Variants in SLC6A20 observed in about 807,000 individuals in gnomAD.
SLC6A20 encodes sodium- and chloride-dependent transporter XTRP3.
SLC6A20 carries 73 observed loss-of-function variants against 64.3 expected under a neutral mutation model. The observed-to-expected ratio is 1.14, with a 90% CI of 0.94 to 1.38. The LOEUF is 1.38. Ranked by LOEUF, SLC6A20 falls within the 40% of genes most tolerant of loss-of-function variation. SLC6A20 has a pLI of 0.00. For missense variants in SLC6A20, 725 were observed against 772.8 expected (o/e 0.94, Z 0.73); for synonymous variants, 347 against 329.6 (o/e 1.05, Z -0.57).
Position 45,765,439 on chromosome 3 carries a change from C to G in SLC6A20, c.1303+98G>C. The G allele has an allele frequency of 7.2e-7, 1 of 1,397,298 alleles. No individual in the cohort carries two copies. The highest frequency in any genetic ancestry group is 9.7e-7 in the Non-Finnish European group (1 of 1,027,796). The allele number at this position is 1,397,298 out of a possible 1,614,324, so 86.6% of individuals were successfully genotyped here. On this transcript the variant is annotated intron_variant, in intron 8 of 10. Coordinates refer to ENST00000358525, the MANE Select transcript of SLC6A20 (RefSeq NM_020208.4). This position sits in a 1 kb window ranked among gnomAD's most constrained non-coding sequence, Gnocchi z 4.2. ...GGTGGCTGCAACCCCCTGTAGCCAC[C>G]TGAACCAGCCCATGACCCCTGAGGG...
chr3:45,760,566 G>C (rs1699655584), intron 9 of SLC6A20, among the ~76,000 whole-genome samples: 1 of 152,170 alleles, frequency 6.6e-6, no homozygotes, highest in Non-Finnish European at 1.5e-5. Flanking sequence ...GCCCTGGCCT[G>C]CTGGAGCTGG....
At chr3:45,796,236 C>T (rs1700343360) in intron 1 of SLC6A20, 63 bp downstream of exon 1, 1 of 1,552,282 alleles carries the variant, frequency 6.4e-7, no homozygotes, top group African/African-American at 1.4e-5. Flanking sequence ...CTAACCCCGG[C>T]TCGCACACAC....
intron 9 of SLC6A20, 62 bp from the exon 10 acceptor site, chr3:45,760,084 G>A: frequency 6.5e-7 from 1 of 1,535,964 alleles, no homozygotes; most frequent in Admixed American, 1.9e-5. Context: ...AGGGCGTCCA[G>A]CTTGCCTGTC....
intron 9 of SLC6A20, among the ~76,000 whole-genome samples, chr3:45,762,149 G>A (rs887748295): frequency 2.6e-5 from 4 of 152,238 alleles, no homozygotes; most frequent in Admixed American, 2.6e-4. Flanking sequence ...AGGATGGGGT[G>A]GGCCCGAGCT....
At chr3:45,780,802 C>G (rs919109525) in intron 2 of SLC6A20, among the ~76,000 whole-genome samples, 8 of 152,294 alleles carry the variant, frequency 5.3e-5, no homozygotes, top group Admixed American at 4.6e-4. Context: ...AGAAACCGGC[C>G]ATGGTGCCTG....
chr3:45,778,267 T>C (rs1398569156), intron 3 of SLC6A20, among the ~76,000 whole-genome samples: 1 of 152,180 alleles, frequency 6.6e-6, no homozygotes, highest in East Asian at 1.9e-4. Flanking sequence ...TCCCCTCTGC[T>C]CGGGTGCTCA....
chr3:45,761,819 G>A (rs1419186045), intron 9 of SLC6A20, among the ~76,000 whole-genome samples: 6 of 152,126 alleles, frequency 3.9e-5, no homozygotes, highest in South Asian at 2.1e-4. Flanking sequence ...GAAGTCCTAC[G>A]GGAAAGACAT....
At position 45,759,054 on chromosome 3, in the gene SLC6A20, A is replaced by T; in HGVS notation, c.1703T>A (p.Met568Lys). ...CCCCAGGGCCGCCAGGGGGATGCAC[A>T]TGGTGGAGGAGGCCACAAGCAGCCC... ...VIGLLVASST[M>K]CIPLAALGTF... is the part of the protein sequence containing the mutation. The change falls in exon 11 of 11, where the codon ATG becomes AAG. Residue 568 changes from methionine (M) to lysine (K), a missense_variant. Coordinates refer to ENST00000358525, the MANE Select transcript of SLC6A20 (RefSeq NM_020208.4). The T allele has an allele frequency of 6.2e-7, 1 of 1,613,158 alleles. No homozygotes were observed. Among genetic ancestry groups the T allele is most frequent in the Non-Finnish European group, 8.5e-7 (1 of 1,179,686 alleles).
intron 3 of SLC6A20, among the ~76,000 whole-genome samples, 171 bp downstream of exon 3, chr3:45,779,838 C>T (rs2125650061): frequency 6.6e-6 from 1 of 152,364 alleles, no homozygotes; most frequent in African/African-American, 2.4e-5. Flanking sequence ...GGTTCAGAAG[C>T]CCTTCACGTG....
intron 10 of SLC6A20, 68 bp from the exon 11 acceptor site, chr3:45,759,195 T>A: frequency 6.7e-7 from 1 of 1,484,642 alleles, no homozygotes; most frequent in Admixed American, 2.0e-5. Flanking sequence ...TCAGGGCCCA[T>A]CCGTGATGGG....
chr3:45,792,030 C>A (rs563866406), intron 1 of SLC6A20, among the ~76,000 whole-genome samples: 11 of 152,214 alleles, frequency 7.2e-5, no homozygotes, highest in African/African-American at 2.6e-4. Flanking sequence ...TGGGAAGATG[C>A]CAAACATTTT....
intron 8 of SLC6A20, 27 bp from the exon 9 acceptor site, chr3:45,763,099 C>A (rs755300162): frequency 1.2e-6 from 2 of 1,612,574 alleles, no homozygotes; most frequent in Non-Finnish European, 1.7e-6. Flanking sequence ...CAGCTGCTCA[C>A]CTGCCCGAGA....
rs2125725172 is a variant in SLC6A20, at chr3:45,771,276, A to G, written c.876T>C (p.Ile292=). 1 of 1,614,234 alleles carries G rather than the reference A, an allele frequency of 6.2e-7. No individual in the cohort carries two copies. Among genetic ancestry groups the G allele is most frequent in the East Asian group, 2.2e-5 (1 of 44,882 alleles). ...INSFTSIFAS[I]VTFSIYGFKA... The stretch of plus-strand genomic sequence containing the variant: ...TGAAGCCATAGATGGAGAAGGTGAC[A>G]ATGCTGGCAAATATGGAGGTGAAGC... Residue 292 remains isoleucine (I), a synonymous_variant, in exon 6 of 11, where the codon ATT becomes ATC. Transcript: ENST00000358525.
intron 9 of SLC6A20, among the ~76,000 whole-genome samples, chr3:45,761,520 A>T (rs1184136633): frequency 6.6e-6 from 1 of 151,402 alleles, no homozygotes; most frequent in Non-Finnish European, 1.5e-5. Context: ...ATCCTGAAAC[A>T]CTCACCCTCT....
At chr3:45,786,999 C>T (rs1394492226) in intron 1 of SLC6A20, among the ~76,000 whole-genome samples, 2 of 152,242 alleles carry the variant, frequency 1.3e-5, no homozygotes, top group African/African-American at 2.4e-5. Flanking sequence ...CTCCACTGCA[C>T]CGCCCTCCAG....
In SLC6A20 at chr3:45,770,688, G is replaced by A. The variant is rs145827894; in HGVS notation, c.936-317C>T. Among the ~76,000 whole-genome samples the A allele has an allele frequency of 2.5e-3, 376 of 152,326 alleles. 1 individual carries two copies. Among genetic ancestry groups the A allele is most frequent in the Admixed American group, 5.0e-3 (76 of 15,312 alleles). Reference sequence around the variant, plus strand: ...TACTCACTGGCCACATATGGCAACTGAGCACTTAATGGTGGACACTGAGCA... The same window carrying A: ...TACTCACTGGCCACATATGGCAACTAAGCACTTAATGGTGGACACTGAGCA... On this transcript the variant is annotated intron_variant, in intron 6 of 10. Transcript: ENST00000358525.
chr3:45,772,659 G>A (rs1312420598), intron 4 of SLC6A20, 44 bp from the exon 5 acceptor site: 3 of 1,523,182 alleles, frequency 2.0e-6, no homozygotes, highest in Middle Eastern at 1.7e-4. Context: ...GAGCAGTGGG[G>A]TCCACAGGAC....
In SLC6A20 at chr3:45,778,023, C is replaced by T. The variant is rs578240966; in HGVS notation, c.354+1986G>A. Among the ~76,000 whole-genome samples, 7 of 152,322 alleles carry T rather than the reference C, an allele frequency of 4.6e-5. No homozygotes were observed. The East Asian group carries it at 9.6e-4, about 21-fold the overall frequency. On this transcript the variant is annotated intron_variant, in intron 3 of 10. Coordinates refer to ENST00000358525, the MANE Select transcript of SLC6A20 (RefSeq NM_020208.4). The stretch of plus-strand genomic sequence containing the variant: ...TGCAGCCAGGTTGAAGAAGGTTTAG[C>T]GTATAGGAGAACTTGTTAAATGGGC...
At position 45,780,033 on chromosome 3, in the gene SLC6A20, G is replaced by A; in HGVS notation, c.330C>T (p.Phe110=). The A allele has an allele frequency of 5.0e-6, 8 of 1,604,870 alleles. No individual in the cohort carries two copies. The highest frequency in any genetic ancestry group is 6.8e-6 in the Non-Finnish European group (8 of 1,175,612). Residue 110 remains phenylalanine, a synonymous_variant, in exon 3 of 11, where the codon TTC becomes TTT. Coordinates refer to ENST00000358525, the MANE Select transcript of SLC6A20 (RefSeq NM_020208.4). ...MYYNVINAWA[F]WYLFHSFQDP... is the part of the protein sequence containing the mutation. ...CCTGGAAGGAGTGGAAGAGGTACCAGAAGGCCCAGGCGTTGATGACGTTGT... is the reference window on the plus strand; with the variant it reads ...CCTGGAAGGAGTGGAAGAGGTACCAAAAGGCCCAGGCGTTGATGACGTTGT...
Sources: allele counts gnomAD v4.1 joint callset (sites outside exome capture counted in the v4.1 genomes callset), GRCh38; gene constraint gnomAD v4.1.1; non-coding constraint Gnocchi (gnomAD v3.1); transcripts MANE v1.5; gene names NCBI Gene and HGNC (gene_info 2026-07-23, HGNC 2026-07-21).